SLC18A2: variants seen among roughly 807,000 people sequenced by gnomAD.
SLC18A2 encodes the protein synaptic vesicular amine transporter.
SLC18A2 carries 33 observed loss-of-function variants against 59.2 expected under a neutral mutation model. The ratio of observed to expected loss-of-function variants is 0.56; its 90% confidence interval spans 0.42 to 0.75. The LOEUF (loss-of-function observed/expected upper bound fraction) is 0.75, where lower values mean the gene tolerates loss of function less well. Among genes scored for constraint, SLC18A2 ranks in the 30% least tolerant of loss-of-function variants. The probability of loss-of-function intolerance (pLI) is 0.00; values close to 1 mark genes in which losing one functional copy is unlikely to be tolerated. For missense variants in SLC18A2, 569 were observed against 668.6 expected, an observed-to-expected ratio of 0.85 and a Z score of 1.64; for synonymous variants, 228 against 253.5, an observed-to-expected ratio of 0.90 and a Z score of 0.95.
chr10:117,258,040 G>A, intron 10 of SLC18A2, 148 bp downstream of exon 10: 1 of 559,592 alleles, frequency 1.8e-6, no homozygotes, highest in South Asian at 2.4e-5. Flanking sequence ...GCTTAGGGCA[G>A]CCTTGGGGTC....
intron 13 of SLC18A2, among the ~76,000 whole-genome samples, chr10:117,268,982 ACATT>A (rs1312873140): frequency 9.7e-5 from 5 of 51,692 alleles, no homozygotes; most frequent in African/African-American, 2.4e-4. Context: ...ACAAACACAC[ACATT>A]CATACACACA....
In SLC18A2 at chr10:117,255,324, G is replaced by C. The variant is rs747324583; in HGVS notation, c.748G>C (p.Ala250Pro). 3 of 1,614,244 alleles carry C rather than the reference G, an allele frequency of 1.9e-6. No homozygotes were observed. In the South Asian group the frequency reaches 3.3e-5, roughly 18 times the overall value. Residue 250 changes from alanine (A) to proline (P), a missense_variant, in exon 7 of 16, where the codon GCT (alanine) becomes CCT (proline). Coordinates refer to ENST00000644641, the MANE Select transcript of SLC18A2 (RefSeq NM_003054.6). ...GCTCTATGAGTTTGTGGGGAAGACG[G>C]CTCCGTTCCTGGTGCTGGCCGCCCT... ...SVLYEFVGKT[A>P]PFLVLAALVL...
At chr10:117,242,331 T>C (rs1844065319) in intron 2 of SLC18A2, among the ~76,000 whole-genome samples, 1 of 152,240 alleles carries the variant, frequency 6.6e-6, no homozygotes, top group Non-Finnish European at 1.5e-5. Flanking sequence ...TTGAACAATC[T>C]TGGTTCTATT....
At chr10:117,262,184 C>CTCA (rs1780219616) in intron 10 of SLC18A2, among the ~76,000 whole-genome samples, 1 of 152,314 alleles carries the variant, frequency 6.6e-6, no homozygotes, top group Admixed American at 6.5e-5. Flanking sequence ...GGATTACAGG[C>CTCA]GTGAGCCACC....
intron 15 of SLC18A2, among the ~76,000 whole-genome samples, chr10:117,274,271 G>A (rs1055675112): frequency 6.6e-6 from 1 of 152,186 alleles, no homozygotes; most frequent in Non-Finnish European, 1.5e-5. Context: ...AACTTCACCT[G>A]AAACAGGCTG....
At chr10:117,252,108 A>G (rs182436585) in intron 3 of SLC18A2, among the ~76,000 whole-genome samples, 84 of 145,332 alleles carry the variant, frequency 5.8e-4, no homozygotes, top group Non-Finnish European at 1.0e-3. Flanking sequence ...ACAGGTGTGC[A>G]CTACTATGCC....
rs371919486 is a variant in SLC18A2 at position 117,268,946 on chromosome 10, A to G, written c.1187-1125A>G. ...AAGAAGCTAAAACACACATGCACAC[A>G]CATACATACACATACACACTCATAC... On this transcript the variant is annotated intron_variant, in intron 13 of 15. Coordinates refer to ENST00000644641, the MANE Select transcript of SLC18A2 (RefSeq NM_003054.6). Among the ~76,000 whole-genome samples the G allele has an allele frequency of 5.9e-5, 9 of 151,360 alleles. No individual in the cohort carries two copies. In the South Asian group the frequency reaches 1.9e-3, roughly 32 times the overall value.
At chr10:117,249,818 G>A (rs572525640) in intron 3 of SLC18A2, among the ~76,000 whole-genome samples, 2 of 129,720 alleles carry the variant, frequency 1.5e-5, no homozygotes, top group African/African-American at 5.1e-5. Flanking sequence ...GATTCATTAT[G>A]TGATTTTTAG....
chr10:117,241,857 A>G (rs1838866134), intron 2 of SLC18A2, 43 bp downstream of exon 2: 1 of 1,547,204 alleles, frequency 6.5e-7, no homozygotes, highest in East Asian at 2.5e-5. Flanking sequence ...CCCCAGCCCC[A>G]GCGCCCCTTC....
chr10:117,255,203 G>A, intron 6 of SLC18A2, 74 bp from the exon 7 acceptor site: 3 of 1,363,866 alleles, frequency 2.2e-6, no homozygotes, highest in Non-Finnish European at 3.1e-6. Context: ...AAACACAAGA[G>A]TCAAATAGAT....
chr10:117,245,619 C>A (rs1844102454), intron 3 of SLC18A2, among the ~76,000 whole-genome samples: 1 of 147,088 alleles, frequency 6.8e-6, no homozygotes, highest in African/African-American at 2.5e-5. Context: ...AAATGTGTGC[C>A]CCACATTCAA....
At chr10:117,265,590 A>G (rs970592805) in intron 10 of SLC18A2, among the ~76,000 whole-genome samples, 1 of 152,190 alleles carries the variant, frequency 6.6e-6, no homozygotes, top group Non-Finnish European at 1.5e-5. Flanking sequence ...GGTTCTGAGG[A>G]CCACACACAG....
intron 3 of SLC18A2, among the ~76,000 whole-genome samples, chr10:117,249,575 C>T (rs1484988479): frequency 6.6e-6 from 1 of 152,154 alleles, no homozygotes; most frequent in Non-Finnish European, 1.5e-5. Context: ...ATAGTTTGCA[C>T]CCTTCGGGGC....
At position 117,267,745 on chromosome 10, in the gene SLC18A2, C is replaced by A. The variant is rs770969143; in HGVS notation, c.1186+9C>A. 1 of 1,547,768 alleles carries A rather than the reference C, an allele frequency of 6.5e-7. No homozygotes were observed. The highest frequency in any genetic ancestry group is 8.8e-7 in the Non-Finnish European group (1 of 1,130,676). On this transcript the variant is annotated intron_variant, in intron 13 of 15. Coordinates refer to ENST00000644641, the MANE Select transcript of SLC18A2 (RefSeq NM_003054.6). ...AGTTGGTTTTGCAATTGGTAAGTCA[C>A]ACGAACCTTGTGCCTACATTTAAAA...
chr10:117,266,794 T>C lies in SLC18A2; in HGVS notation c.1053T>C (p.Leu351=). The C allele has an allele frequency of 6.2e-7, 1 of 1,613,636 alleles. No homozygotes were observed. The highest frequency in any genetic ancestry group is 1.7e-5 in the Admixed American group (1 of 60,022). ...TTGGAACCAATATTTTTGGGATACT[T>C]GCACACAAAATGGGGAGGTAAGATG... The part of the protein sequence containing the change: ...YLIGTNIFGI[L]AHKMGRWLCA... Residue 351 remains leucine, a synonymous_variant, in exon 11 of 16, where the codon CTT becomes CTC. Transcript: ENST00000644641.
At position 117,278,269 on chromosome 10, in the gene SLC18A2, T is replaced by TA. The variant is rs772003710; in HGVS notation, c.*1004dup. 1.4e-4 allele frequency: 22 copies of TA among 152,258 alleles called. No individual in the cohort carries two copies. Among genetic ancestry groups the TA allele is most frequent in the Non-Finnish European group, 2.6e-4 (18 of 68,040 alleles). 9.4% of individuals were successfully genotyped at this position (152,258 alleles called of 1,614,324 possible). On this transcript the variant is annotated 3_prime_UTR_variant, in exon 16 of 16. Transcript: ENST00000644641. ...TAGGTTGTCTGAAACTACTATTTTT[T>TA]AGACTCCTGAAAGTTGTTCACATCA...
intron 3 of SLC18A2, among the ~76,000 whole-genome samples, chr10:117,253,029 C>T (rs771935985): frequency 6.6e-5 from 10 of 152,144 alleles, no homozygotes; most frequent in Non-Finnish European, 1.2e-4. Context: ...GCCTTTTACC[C>T]GAATCATTTG....
intron 9 of SLC18A2, among the ~76,000 whole-genome samples, chr10:117,256,232 C>G (rs1264964332): frequency 6.6e-6 from 1 of 152,342 alleles, no homozygotes; most frequent in East Asian, 1.9e-4. Flanking sequence ...GGTTTTGTGA[C>G]TCTTGGGAAG....
In SLC18A2 at chr10:117,277,237, G is replaced by A. The variant is rs1844510086; in HGVS notation, c.1516G>A (p.Gly506Ser). 1 of 1,609,652 alleles carries A rather than the reference G, an allele frequency of 6.2e-7. No individual in the cohort carries two copies. Among genetic ancestry groups the A allele is most frequent in the Non-Finnish European group, 8.5e-7 (1 of 1,176,830 alleles). Residue 506 changes from glycine (G) to serine (S), a missense_variant, in exon 16 of 16, where the codon GGT (glycine) becomes AGT (serine). By Grantham distance (56) the Gly-to-Ser change is moderately conservative (BLOSUM62 0). Transcript: ENST00000644641. ...GAATAATATCCAGTCATATCCGATA[G>A]GTGAAGATGAAGAATCTGAAAGTGA... Reference protein sequence around the residue: ...TQNNIQSYPIGEDEESESD With the variant: ...TQNNIQSYPISEDEESESD
Sources: allele counts gnomAD v4.1 joint callset (sites outside exome capture counted in the v4.1 genomes callset), GRCh38; gene constraint gnomAD v4.1.1; transcripts MANE v1.5; gene names NCBI Gene and HGNC (gene_info 2026-07-23, HGNC 2026-07-21).